PTPRD: variants seen among roughly 807,000 people sequenced by gnomAD.
PTPRD encodes receptor-type tyrosine-protein phosphatase delta.
In PTPRD, 34 loss-of-function variants were observed where a neutral mutation model predicts 214.5. The ratio of observed to expected loss-of-function variants is 0.16; its 90% confidence interval spans 0.12 to 0.21. The LOEUF (loss-of-function observed/expected upper bound fraction) is 0.21. Among genes scored for constraint, PTPRD ranks in the 10% least tolerant of loss-of-function variants. The pLI is 1.00. For synonymous variants in PTPRD, 1,128 were observed against 845.7 expected (o/e 1.33, Z -5.79); for missense variants, 2,545 against 2,398.7 (o/e 1.06, Z -1.27).
Position 10,510,446 on chromosome 9 carries a change from C to A in PTPRD, c.-600+101952G>T, listed in dbSNP as rs555282001. Among the ~76,000 whole-genome samples, 22 of 152,240 alleles carry A rather than the reference C, an allele frequency of 1.4e-4. No homozygotes were observed. In the East Asian group the frequency reaches 4.1e-3, roughly 28 times the overall value. ...ACTGTGTTATACCTTCCTAAAAGAT[C>A]CAATGATGTGTTTTCTTACCTAGTG... On this transcript the variant is annotated intron_variant, in intron 2 of 45. Transcript: ENST00000381196.
intron 7 of PTPRD, among the ~76,000 whole-genome samples, chr9:9,650,599 G>T (rs1185212398): frequency 6.6e-6 from 1 of 152,032 alleles, no homozygotes; most frequent in African/African-American, 2.4e-5. Flanking sequence ...ACACCTAGAG[G>T]GGAACAACAT....
intron 3 of PTPRD, among the ~76,000 whole-genome samples, chr9:10,084,987 T>C (rs562258172): frequency 7.6e-4 from 116 of 152,058 alleles, no homozygotes; most frequent in Admixed American, 2.0e-3. Flanking sequence ...ATATCATGAT[T>C]TGAAGTAGTC....
chr9:9,770,649 GT>G, intron 5 of PTPRD, among the ~76,000 whole-genome samples: 1 of 152,066 alleles, frequency 6.6e-6, no homozygotes, highest in South Asian at 2.1e-4. Flanking sequence ...AAATATGAAT[GT>G]TTTCTTAATA....
At chr9:9,143,689 A>G (rs2099863932) in intron 10 of PTPRD, among the ~76,000 whole-genome samples, 2 of 152,200 alleles carry the variant, frequency 1.3e-5, no homozygotes, top group African/African-American at 4.8e-5. Flanking sequence ...TATGTTATTA[A>G]AAAATAATTG....
intron 2 of PTPRD, among the ~76,000 whole-genome samples, chr9:10,562,039 T>G (rs1048077121): frequency 1.7e-4 from 26 of 152,160 alleles, no homozygotes; most frequent in African/African-American, 6.0e-4. Flanking sequence ...GTATAATACT[T>G]GCAAAACATA....
At chr9:10,233,017 C>G (rs1016145412) in intron 3 of PTPRD, among the ~76,000 whole-genome samples, 4 of 152,016 alleles carry the variant, frequency 2.6e-5, no homozygotes, top group African/African-American at 9.7e-5. Context: ...AGGAATGTGT[C>G]AAGGTCGCCA....
chr9:9,693,131 G>A (rs1338767705), intron 7 of PTPRD, among the ~76,000 whole-genome samples: 2 of 151,754 alleles, frequency 1.3e-5, no homozygotes, highest in African/African-American at 2.4e-5. Context: ...TGTCTGTTTG[G>A]TCTAGCTAAG....
chr9:8,827,286 C>T (rs953523339), intron 11 of PTPRD, among the ~76,000 whole-genome samples: 3 of 146,474 alleles, frequency 2.0e-5, no homozygotes, highest in Non-Finnish European at 4.5e-5. Context: ...CGTGACTCAA[C>T]CCATCAATCT....
intron 10 of PTPRD, among the ~76,000 whole-genome samples, chr9:9,041,277 C>T (rs1014453551): frequency 6.6e-6 from 1 of 152,054 alleles, no homozygotes; most frequent in Admixed American, 6.6e-5. Flanking sequence ...AAACTTGTGT[C>T]ATGGGGGTTT....
chr9:9,864,024 G>A (rs1316980080), intron 5 of PTPRD, among the ~76,000 whole-genome samples: 1 of 152,170 alleles, frequency 6.6e-6, no homozygotes, highest in African/African-American at 2.4e-5. Context: ...GAAAGGTTTG[G>A]CCGGGCGCGG....
chr9:9,635,082 G>T (rs1296677018), intron 7 of PTPRD, among the ~76,000 whole-genome samples: 1 of 152,142 alleles, frequency 6.6e-6, no homozygotes, highest in Non-Finnish European at 1.5e-5. Context: ...TTTTTTAATG[G>T]ATTAGACCAT....
intron 12 of PTPRD, among the ~76,000 whole-genome samples, chr9:8,641,384 A>G (rs2096572873): frequency 6.7e-6 from 1 of 148,462 alleles, no homozygotes; most frequent in Non-Finnish European, 1.5e-5. Flanking sequence ...TTAGAGAGGC[A>G]TCCTTCCATT....
At chr9:9,185,322 T>C (rs1487247376) in intron 9 of PTPRD, among the ~76,000 whole-genome samples, 1 of 152,032 alleles carries the variant, frequency 6.6e-6, no homozygotes, top group African/African-American at 2.4e-5. Context: ...CATGCCTCCA[T>C]GTATTCATTA....
intron 9 of PTPRD, among the ~76,000 whole-genome samples, chr9:9,255,864 T>A (rs1196284204): frequency 6.6e-6 from 1 of 152,050 alleles, no homozygotes; most frequent in East Asian, 1.9e-4. Context: ...CCTGGCCCCT[T>A]GTTTGACTTC....
intron 2 of PTPRD, among the ~76,000 whole-genome samples, chr9:10,427,694 G>A (rs533430273): frequency 1.8e-3 from 281 of 152,064 alleles, no homozygotes; most frequent in African/African-American, 6.5e-3. Flanking sequence ...CACTTTCAAT[G>A]GAAAGCTTCC....
chr9:8,611,768 AGGAGGGGAGG>A (rs143058348), intron 14 of PTPRD, among the ~76,000 whole-genome samples: 24 of 139,292 alleles, frequency 1.7e-4, no homozygotes, highest in African/African-American at 6.0e-4. Context: ...AAGAAAAGAA[AGGAGGGGAGG>A]GGAGGGGAGG....
chr9:10,606,436 G>A (rs1194497688), intron 2 of PTPRD, among the ~76,000 whole-genome samples: 1 of 151,644 alleles, frequency 6.6e-6, no homozygotes, highest in East Asian at 1.9e-4. Context: ...GCTTATGTGA[G>A]TATTTTTCCT....
chr9:8,787,046 G>T (rs1050891670), intron 11 of PTPRD, among the ~76,000 whole-genome samples: 1 of 152,026 alleles, frequency 6.6e-6, no homozygotes, highest in Non-Finnish European at 1.5e-5. Flanking sequence ...ATGTTGCCTA[G>T]TCTGGTCTCG....
At chr9:8,770,827 T>C (rs187681669) in intron 11 of PTPRD, among the ~76,000 whole-genome samples, 1 of 152,318 alleles carries the variant, frequency 6.6e-6, no homozygotes, top group East Asian at 1.9e-4. Context: ...CTGAAAACTT[T>C]AAGATGTAAT....
Sources: allele counts gnomAD v4.1 joint callset (sites outside exome capture counted in the v4.1 genomes callset), GRCh38; gene constraint gnomAD v4.1.1; transcripts MANE v1.5; gene names NCBI Gene and HGNC (gene_info 2026-07-23, HGNC 2026-07-21).